Variants in SLC38A8 observed in about 807,000 individuals in gnomAD.
SLC38A8 encodes the protein amino acid transporter SLC38A8.
A neutral mutation model predicts 46.0 loss-of-function variants in SLC38A8; 65 were observed. That is an observed-to-expected ratio of 1.41 (90% CI 1.16 to 1.74). SLC38A8 has a LOEUF of 1.74. Ranked by LOEUF, SLC38A8 falls within the 40% of genes most tolerant of loss-of-function variation. SLC38A8 has a pLI of 0.00. For missense variants in SLC38A8, 998 were observed against 567.9 expected (o/e 1.76, Z -7.70); for synonymous variants, 447 against 243.7 (o/e 1.83, Z -7.77).
chr16:84,023,295 G>C (rs1308751408), intron 6 of SLC38A8, among the ~76,000 whole-genome samples: 1 of 152,116 alleles, frequency 6.6e-6, no homozygotes, highest in Admixed American at 6.6e-5. Flanking sequence ...CAGCCAATGG[G>C]AAAAGGGTAC....
chr16:84,024,800 CT>C (rs1371539498), intron 6 of SLC38A8, among the ~76,000 whole-genome samples: 2 of 152,146 alleles, frequency 1.3e-5, no homozygotes. Context: ...AGCGACTCTC[CT>C]GCCTCAGCCT....
chr16:84,038,239 A>G (rs1278586337), intron 2 of SLC38A8, among the ~76,000 whole-genome samples: 3 of 151,944 alleles, frequency 2.0e-5, no homozygotes, highest in Admixed American at 6.6e-5. Flanking sequence ...TGAACCCAAG[A>G]GGCGGAAGTT....
chr16:84,016,611 A>G lies in SLC38A8; in HGVS notation c.1070T>C (p.Val357Ala). 1 of 1,613,968 alleles carries G rather than the reference A, an allele frequency of 6.2e-7. No homozygotes were observed. Among genetic ancestry groups the G allele is most frequent in the Non-Finnish European group, 8.5e-7 (1 of 1,180,028 alleles). The change falls in exon 9 of 11, where the codon GTG becomes GCG. Residue 357 changes from valine to alanine, a missense_variant. Coordinates refer to ENST00000299709, the MANE Select transcript of SLC38A8 (RefSeq NM_001080442.3). ...RMPLTILWVT[V>A]TLAMALFMPD... ...CATAAACAGCGCCATGGCGAGCGTCACGGTGACCCACAGGATGGTCAGCGG... is the reference window on the plus strand; with the variant it reads ...CATAAACAGCGCCATGGCGAGCGTCGCGGTGACCCACAGGATGGTCAGCGG...
At chr16:84,024,261 G>A (rs1046504718) in intron 6 of SLC38A8, among the ~76,000 whole-genome samples, 1 of 152,196 alleles carries the variant, frequency 6.6e-6, no homozygotes, top group Non-Finnish European at 1.5e-5. Context: ...GTCATGAAGG[G>A]GTTCCCGGGG....
At chr16:84,037,027 G>C in intron 2 of SLC38A8, 127 bp from the exon 3 acceptor site, 1 of 910,586 alleles carries the variant, frequency 1.1e-6, no homozygotes, top group Non-Finnish European at 1.7e-6. Flanking sequence ...CTGCCAACAT[G>C]GGGTTGGCAG....
In SLC38A8 at chr16:84,012,980, C is replaced by T. The variant is rs1168452253; in HGVS notation, c.1214+21G>A. 5.0e-6 allele frequency: 8 copies of T among 1,613,784 alleles called. No homozygotes were observed. The East Asian group carries it at 1.1e-4, about 22-fold the overall frequency. On this transcript the variant is annotated intron_variant, in intron 10 of 10. Coordinates refer to ENST00000299709, the MANE Select transcript of SLC38A8 (RefSeq NM_001080442.3). ...GATCCGGGGCACACCCAGGGTGCCA[C>T]CTCATCTTAGGGACACTTACTTGAC...
chr16:84,033,694 C>G (rs539157990), intron 3 of SLC38A8, among the ~76,000 whole-genome samples: 4 of 152,310 alleles, frequency 2.6e-5, no homozygotes, highest in Admixed American at 1.3e-4. Context: ...GCTCCTTCCC[C>G]AAGCCCAGCA....
chr16:84,020,806 T>A (rs911186154), intron 7 of SLC38A8, among the ~76,000 whole-genome samples: 1 of 152,166 alleles, frequency 6.6e-6, no homozygotes, highest in Non-Finnish European at 1.5e-5. Flanking sequence ...AGATAATCCT[T>A]TCTCTCCATA....
Position 84,022,759 on chromosome 16 carries a change from C to A in SLC38A8, c.805+16G>T. On this transcript the variant is annotated intron_variant, in intron 7 of 10. Coordinates refer to ENST00000299709, the MANE Select transcript of SLC38A8 (RefSeq NM_001080442.3). Reference sequence around the variant, plus strand: ...CACTCCCCACCCTCTGCAGGGGTGCCTGGGAAGGGCCTTACCCGTCAGTGA... The same window carrying A: ...CACTCCCCACCCTCTGCAGGGGTGCATGGGAAGGGCCTTACCCGTCAGTGA... 6.2e-7 allele frequency: 1 copy of A among 1,610,116 alleles called. No individual in the cohort carries two copies. The highest frequency in any genetic ancestry group is 8.5e-7 in the Non-Finnish European group (1 of 1,176,570).
At chr16:84,024,936 C>A (rs1450171981) in intron 6 of SLC38A8, among the ~76,000 whole-genome samples, 7 of 152,142 alleles carry the variant, frequency 4.6e-5, no homozygotes, top group Non-Finnish European at 2.9e-5. Context: ...CCACCTCGGC[C>A]TCGCAAAGTG....
chr16:84,036,950 C>T, intron 2 of SLC38A8, 50 bp from the exon 3 acceptor site: 3 of 1,518,738 alleles, frequency 2.0e-6, no homozygotes, highest in Non-Finnish European at 2.7e-6. Context: ...ACAGCCCACC[C>T]ACCCCCAGCC....
At chr16:84,028,427 CA>C (rs199809761) in intron 6 of SLC38A8, among the ~76,000 whole-genome samples, 1 of 150,918 alleles carries the variant, frequency 6.6e-6, no homozygotes, top group Non-Finnish European at 1.5e-5. Context: ...CTAAAAATAC[CA>C]AAAAAAATTA....
chr16:84,012,949 T>G, intron 10 of SLC38A8, 52 bp downstream of exon 10: 1 of 1,593,318 alleles, frequency 6.3e-7, no homozygotes, highest in Non-Finnish European at 8.6e-7. Flanking sequence ...GAAACATTCT[T>G]ACTCTGATCC....
chr16:84,034,022 G>A (rs1267385322), intron 3 of SLC38A8, among the ~76,000 whole-genome samples: 1 of 152,208 alleles, frequency 6.6e-6, no homozygotes, highest in Non-Finnish European at 1.5e-5. Flanking sequence ...TATAGAATTG[G>A]CTGAGGTTGC....
chr16:84,042,221 G>C (rs1011337328), intron 1 of SLC38A8, 62 bp from the exon 2 acceptor site: 4 of 1,517,884 alleles, frequency 2.6e-6, no homozygotes, highest in Admixed American at 2.1e-5. Context: ...CTAAGTTCTC[G>C]ATATCCTTAT....
chr16:84,040,536 G>A (rs987870919), intron 2 of SLC38A8, among the ~76,000 whole-genome samples: 4 of 152,234 alleles, frequency 2.6e-5, no homozygotes, highest in Admixed American at 1.3e-4. Context: ...GGCCATTCCT[G>A]CTGCCCGGGG....
intron 2 of SLC38A8, among the ~76,000 whole-genome samples, chr16:84,038,303 T>C (rs2085325152): frequency 6.7e-6 from 1 of 148,486 alleles, no homozygotes; most frequent in Non-Finnish European, 1.5e-5. Flanking sequence ...AAAGCGAGAC[T>C]CCCTCTCAAA....
intron 7 of SLC38A8, among the ~76,000 whole-genome samples, chr16:84,018,224 T>C (rs980155723): frequency 2.0e-5 from 1 of 50,624 alleles, no homozygotes; most frequent in Non-Finnish European, 3.1e-5. Flanking sequence ...CCCTCATTCC[T>C]TTTTTTTTTT....
chr16:84,010,067 A>ATTTTTTTT lies in SLC38A8; in HGVS notation c.1215-198_1215-191dup, dbSNP rs397855804. On this transcript the variant is annotated intron_variant, in intron 10 of 10. Coordinates refer to ENST00000299709, the MANE Select transcript of SLC38A8 (RefSeq NM_001080442.3). ...CAATGGGAAGCAAAGTACCCAGGCAATTTTTTTTTTTTTTTTTTTTTGAGG... is the reference window on the plus strand; with the variant it reads ...CAATGGGAAGCAAAGTACCCAGGCAATTTTTTTTTTTTTTTTTTTTTTTTTTTTTGAGG... Among the ~76,000 whole-genome samples, 58 of 111,932 alleles carry ATTTTTTTT rather than the reference A, an allele frequency of 5.2e-4. 3 individuals are homozygous for ATTTTTTTT. Among genetic ancestry groups the ATTTTTTTT allele is most frequent in the African/African-American group, 1.6e-3 (43 of 26,186 alleles). The allele number at this position is 111,932 out of a possible 152,430, so 73.4% of individuals were successfully genotyped here.
Sources: allele counts gnomAD v4.1 joint callset (sites outside exome capture counted in the v4.1 genomes callset), GRCh38; gene constraint gnomAD v4.1.1; transcripts MANE v1.5; gene names NCBI Gene and HGNC (gene_info 2026-07-23, HGNC 2026-07-21).